Variants in PDZD2 observed in about 807,000 individuals in gnomAD.
PDZD2 encodes the protein PDZ domain containing 2, also known as PDZ domain-containing protein 2.
PDZD2 carries 90 observed loss-of-function variants against 220.7 expected under a neutral mutation model. The ratio of observed to expected loss-of-function variants is 0.41; its 90% CI spans 0.34 to 0.49. The LOEUF (loss-of-function observed/expected upper bound fraction) is 0.49. Among genes scored for constraint, PDZD2 ranks in the 20% least tolerant of loss-of-function variants. The pLI, the probability that PDZD2 is intolerant of heterozygous loss-of-function variation, is 0.28. For synonymous variants in PDZD2, 1,375 were observed against 1,450.5 expected (o/e 0.95, Z 1.18); for missense variants, 3,174 against 3,608.5 (o/e 0.88, Z 3.08).
At chr5:32,055,345 G>T (rs976877374) in intron 10 of PDZD2, among the ~76,000 whole-genome samples, 3 of 151,970 alleles carry the variant, frequency 2.0e-5, no homozygotes, top group Non-Finnish European at 4.4e-5. Context: ...AGGACCACAG[G>T]TGTGCACCAC....
At chr5:31,848,792 G>T (rs531296917) in intron 2 of PDZD2, among the ~76,000 whole-genome samples, 1 of 151,530 alleles carries the variant, frequency 6.6e-6, no homozygotes, top group East Asian at 1.9e-4. Context: ...GCTCACACCT[G>T]TAATCCCAGC....
chr5:32,043,842 G>T (rs1737664405), intron 7 of PDZD2, among the ~76,000 whole-genome samples: 1 of 151,984 alleles, frequency 6.6e-6, no homozygotes, highest in Non-Finnish European at 1.5e-5. Context: ...GGCCAGGCTG[G>T]TCTCAAACTC....
chr5:31,976,260 TC>T (rs1055793843), intron 2 of PDZD2, among the ~76,000 whole-genome samples: 4 of 152,104 alleles, frequency 2.6e-5, no homozygotes. Context: ...ATTTAACACT[TC>T]CTCTCAACCA....
intron 1 of PDZD2, among the ~76,000 whole-genome samples, chr5:31,669,689 G>C (rs1455672982): frequency 6.6e-6 from 1 of 152,158 alleles, no homozygotes; most frequent in Non-Finnish European, 1.5e-5. Flanking sequence ...AAAATTATTA[G>C]GAGCATTTGT....
chr5:31,961,515 CAG>C (rs1748230890), intron 2 of PDZD2, among the ~76,000 whole-genome samples: 1 of 152,068 alleles, frequency 6.6e-6, no homozygotes, highest in Admixed American at 6.6e-5. Context: ...ACCTGGGCAA[CAG>C]AGTGAAATCC....
Position 31,969,403 on chromosome 5 carries a change from G to A in PDZD2, c.477-13752G>A, listed in dbSNP as rs535549649. On this transcript the variant is annotated intron_variant, in intron 2 of 24. Transcript: ENST00000438447. Reference sequence around the variant, plus strand: ...GCACACCTGTAGTCCCAGCTACTCAGGAGGCTGAGGTGGGGGAATGGCTTG... The same window carrying A: ...GCACACCTGTAGTCCCAGCTACTCAAGAGGCTGAGGTGGGGGAATGGCTTG... Among the ~76,000 whole-genome samples, 179 of 151,318 alleles carry A rather than the reference G, an allele frequency of 1.2e-3. 2 individuals carry two copies. The highest frequency in any genetic ancestry group is 4.3e-3 in the African/African-American group (178 of 41,250).
At chr5:32,017,093 G>A (rs966787885) in intron 6 of PDZD2, among the ~76,000 whole-genome samples, 3 of 152,116 alleles carry the variant, frequency 2.0e-5, no homozygotes, top group South Asian at 2.1e-4. Flanking sequence ...CATACCTCTC[G>A]TCGTAAGCTT....
At position 32,090,414 on chromosome 5, in the gene PDZD2, G is replaced by T. The variant is rs149503977; in HGVS notation, c.6966G>T (p.Glu2322Asp). 1 of 1,614,196 alleles carries T rather than the reference G, an allele frequency of 6.2e-7. No individual in the cohort carries two copies. Among genetic ancestry groups the T allele is most frequent in the African/African-American group, 1.3e-5 (1 of 75,082 alleles). ...TCACCAGACGACACTACTGCTATGA[G>T]CAGAACTGGCCCCATGAATCTACCT... ...IKVTRRHYCY[E>D]QNWPHESTSF... Residue 2322 changes from glutamate (E) to aspartate (D), a missense_variant, in exon 20 of 25, where the codon GAG becomes GAT. Coordinates refer to ENST00000438447, the MANE Select transcript of PDZD2 (RefSeq NM_178140.4). This position sits in a 1 kb window ranked among gnomAD's most constrained non-coding sequence, Gnocchi z 4.3.
intron 2 of PDZD2, among the ~76,000 whole-genome samples, chr5:31,920,235 G>A (rs1389860469): frequency 6.6e-6 from 1 of 152,040 alleles, no homozygotes; most frequent in Non-Finnish European, 1.5e-5. Flanking sequence ...AGTGGGCTAT[G>A]AGCGCGCCAC....
chr5:31,733,669 T>C (rs1197206890), intron 1 of PDZD2, among the ~76,000 whole-genome samples: 1 of 152,042 alleles, frequency 6.6e-6, no homozygotes, highest in African/African-American at 2.4e-5. Context: ...ATGTGCAGAG[T>C]GCCAACTGGG....
chr5:32,013,438 C>A (rs934735146), intron 6 of PDZD2, among the ~76,000 whole-genome samples: 1 of 151,776 alleles, frequency 6.6e-6, no homozygotes, highest in Non-Finnish European at 1.5e-5. Flanking sequence ...GGCCAGTTCC[C>A]ACCATCACCA....
intron 6 of PDZD2, among the ~76,000 whole-genome samples, chr5:32,012,558 T>G (rs1022799541): frequency 6.6e-6 from 1 of 151,886 alleles, no homozygotes; most frequent in Non-Finnish European, 1.5e-5. Flanking sequence ...TAATTTTTTG[T>G]ATTTTCATTA....
chr5:32,070,733 C>T (rs1054659904), intron 15 of PDZD2, among the ~76,000 whole-genome samples: 1 of 152,244 alleles, frequency 6.6e-6, no homozygotes, highest in Non-Finnish European at 1.5e-5. Flanking sequence ...CCATGGCTCA[C>T]GCCTATAATC....
chr5:32,025,782 G>A (rs1442292579), intron 6 of PDZD2, among the ~76,000 whole-genome samples: 1 of 151,254 alleles, frequency 6.6e-6, no homozygotes, highest in Non-Finnish European at 1.5e-5. Context: ...TGTGTTTTTA[G>A]TAGACACAAG....
intron 2 of PDZD2, among the ~76,000 whole-genome samples, chr5:31,863,797 C>T (rs897098589): frequency 1.2e-4 from 18 of 152,296 alleles, no homozygotes; most frequent in African/African-American, 2.6e-4. Context: ...TTGTAACTTA[C>T]ATCTGAGATA....
At chr5:31,964,772 G>T (rs1462044165) in intron 2 of PDZD2, among the ~76,000 whole-genome samples, 2 of 152,180 alleles carry the variant, frequency 1.3e-5, no homozygotes, top group Non-Finnish European at 2.9e-5. Context: ...CTGGAGGGCA[G>T]CGGCGCGATC....
intron 2 of PDZD2, chr5:31,822,876 G>T: frequency 1.3e-6 from 1 of 791,602 alleles, no homozygotes; most frequent in Non-Finnish European, 2.1e-6. Flanking sequence ...TGTAACGGAA[G>T]CCCAGTGTGA....
chr5:32,033,688 C>T (rs759699843), intron 6 of PDZD2, among the ~76,000 whole-genome samples: 1 of 151,760 alleles, frequency 6.6e-6, no homozygotes, highest in African/African-American at 2.4e-5. Context: ...GGCGCGATCT[C>T]GGCTCACTGC....
intron 6 of PDZD2, among the ~76,000 whole-genome samples, chr5:32,019,830 A>G (rs1476110625): frequency 6.6e-6 from 1 of 152,158 alleles, no homozygotes; most frequent in Non-Finnish European, 1.5e-5. Context: ...TATGAACATA[A>G]TATGTAGAAG....
Sources: allele counts gnomAD v4.1 joint callset (sites outside exome capture counted in the v4.1 genomes callset), GRCh38; gene constraint gnomAD v4.1.1; non-coding constraint Gnocchi (gnomAD v3.1); transcripts MANE v1.5; gene names NCBI Gene and HGNC (gene_info 2026-07-23, HGNC 2026-07-21).